Variants in AKAP13 observed in about 807,000 individuals in gnomAD.
The protein encoded by AKAP13 is A-kinase anchor protein 13.
A neutral mutation model predicts 264.5 loss-of-function variants in AKAP13; 80 were observed. That is an observed-to-expected ratio of 0.30 (90% CI 0.25 to 0.36). AKAP13 has a LOEUF of 0.36. Among genes scored for constraint, AKAP13 ranks in the 10% least tolerant of loss-of-function variants. AKAP13 has a pLI of 1.00. For synonymous variants in AKAP13, 1,380 were observed against 1,250.2 expected (o/e 1.10, Z -2.19); for missense variants, 3,712 against 3,435.2 (o/e 1.08, Z -2.01).
intron 14 of AKAP13, among the ~76,000 whole-genome samples, chr15:85,676,500 T>C (rs2084236507): frequency 6.6e-6 from 1 of 152,186 alleles, no homozygotes; most frequent in African/African-American, 2.4e-5. Flanking sequence ...CTGTGGAACA[T>C]CCACCCACAG....
chr15:85,426,729 A>G (rs1036854520), intron 1 of AKAP13, among the ~76,000 whole-genome samples: 4 of 152,170 alleles, frequency 2.6e-5, no homozygotes, highest in Non-Finnish European at 4.4e-5. Context: ...AAGTACAGAG[A>G]GATTCTAGCC....
intron 1 of AKAP13, among the ~76,000 whole-genome samples, chr15:85,418,031 T>G (rs1171602056): frequency 1.3e-5 from 2 of 150,054 alleles, no homozygotes; most frequent in Non-Finnish European, 3.0e-5. Context: ...ACATTCTTTT[T>G]GTACCATCTT....
At chr15:85,673,685 T>C (rs2084049181) in intron 14 of AKAP13, among the ~76,000 whole-genome samples, 1 of 129,252 alleles carries the variant, frequency 7.7e-6, no homozygotes, top group Non-Finnish European at 1.6e-5. Context: ...TTTTTTTTTT[T>C]TTTTTTTGGG....
intron 1 of AKAP13, among the ~76,000 whole-genome samples, chr15:85,432,706 T>C (rs902284088): frequency 6.6e-6 from 1 of 152,134 alleles, no homozygotes; most frequent in Non-Finnish European, 1.5e-5. Context: ...GTGAAAAAAA[T>C]GGTCCATGAT....
At chr15:85,476,524 G>T (rs2075169300) in intron 1 of AKAP13, among the ~76,000 whole-genome samples, 3 of 152,086 alleles carry the variant, frequency 2.0e-5, no homozygotes, top group African/African-American at 7.2e-5. Flanking sequence ...TTTTCTTATT[G>T]CCTACCACTG....
chr15:85,412,027 A>G lies in AKAP13; in HGVS notation c.-12+31229A>G, dbSNP rs1250743979. On this transcript the variant is annotated intron_variant, in intron 1 of 36. Transcript: ENST00000394518. ...TAACAAATGTGATTTTTGATATTGT[A>G]TAATGAAATGTATCTACATTTGGAA... is the stretch of plus-strand genomic sequence containing the variant. Among the ~76,000 whole-genome samples, 5 of 152,238 alleles carry G rather than the reference A, an allele frequency of 3.3e-5. No individual in the cohort carries two copies. The East Asian group carries it at 7.7e-4, about 23-fold the overall frequency.
chr15:85,629,764 C>CTTTTTTTTTTTTT lies in AKAP13; in HGVS notation c.4162-9589_4162-9577dup, dbSNP rs773396099. 4.4e-4 allele frequency among the ~76,000 whole-genome samples: 22 copies of CTTTTTTTTTTTTT among 50,536 alleles called. 4 individuals are homozygous for CTTTTTTTTTTTTT. Among genetic ancestry groups the CTTTTTTTTTTTTT allele is most frequent in the Non-Finnish European group, 6.7e-4 (18 of 26,960 alleles). The allele number at this position is 50,536 out of a possible 152,430, so 33.2% of individuals were successfully genotyped here. On this transcript the variant is annotated intron_variant, in intron 8 of 36. Coordinates refer to ENST00000394518, the MANE Select transcript of AKAP13 (RefSeq NM_007200.5). ...GAAATATAATGAGTTCCTTTACAGC[C>CTTTTTTTTTTTTT]TTTTTTTTTTTTTTTTTTTTTTTTT... is the stretch of plus-strand genomic sequence containing the variant.
rs370540321 is a variant in AKAP13, at chr15:85,741,264, G to A, written c.7827G>A (p.Glu2609=). 6.2e-7 allele frequency: 1 copy of A among 1,610,170 alleles called. No homozygotes were observed. Among genetic ancestry groups the A allele is most frequent in the South Asian group, 1.1e-5 (1 of 90,608 alleles). The change falls in exon 35 of 37, where the codon GAG becomes GAA. Residue 2609 remains glutamate (E), a synonymous_variant. Transcript: ENST00000394518. ...RRREREWEAR[E]RELREREALL... is the part of the protein sequence containing the mutation. ...GCGAGCGTGAGTGGGAAGCTCGTGA[G>A]AGGGAGCTGCGGGAGCGGGAGGCCC...
chr15:85,400,768 TC>T (rs934197075), intron 1 of AKAP13, among the ~76,000 whole-genome samples: 2 of 151,828 alleles, frequency 1.3e-5, no homozygotes, highest in Admixed American at 6.6e-5. Flanking sequence ...TGTTGACCAT[TC>T]TTAGGAGTAT....
At position 85,580,712 on chromosome 15, in the gene AKAP13, G is replaced by T; in HGVS notation, c.2644G>T (p.Glu882Ter). Residue 882 changes from glutamate (E) to a stop codon, truncating the protein, a stop_gained, in exon 7 of 37, where the codon GAA (glutamate) becomes TAA (stop). Transcript: ENST00000394518. LOFTEE classifies it high-confidence loss of function. ...GGGTCCCGCCCCTCCAGCAATCCCA[G>T]AAGCTCTGAATATCAAGGGGAACAC... Reference protein sequence around the residue: ...HEGPAPPAIPEALNIKGNTDS... With the variant: ...HEGPAPPAIP The T allele has an allele frequency of 6.2e-7, 1 of 1,614,194 alleles. No individual in the cohort carries two copies. Among genetic ancestry groups the T allele is most frequent in the Non-Finnish European group, 8.5e-7 (1 of 1,180,024 alleles).
intron 35 of AKAP13, among the ~76,000 whole-genome samples, chr15:85,742,410 C>T (rs1255486005): frequency 6.6e-6 from 1 of 152,198 alleles, no homozygotes; most frequent in East Asian, 1.9e-4. Context: ...GGAAATGGCT[C>T]TCAGGCCAGA....
chr15:85,585,152 G>A (rs2079287776), intron 7 of AKAP13, among the ~76,000 whole-genome samples: 1 of 152,102 alleles, frequency 6.6e-6, no homozygotes, highest in South Asian at 2.1e-4. Context: ...AAGAAATAAG[G>A]GTTAAAAATA....
chr15:85,725,878 G>A (rs781141176), intron 26 of AKAP13, among the ~76,000 whole-genome samples: 1 of 152,300 alleles, frequency 6.6e-6, no homozygotes, highest in East Asian at 1.9e-4. Flanking sequence ...GCCTGCCTGT[G>A]TGGCCACTCT....
intron 1 of AKAP13, among the ~76,000 whole-genome samples, chr15:85,447,561 T>C (rs2073945427): frequency 6.6e-6 from 1 of 152,000 alleles, no homozygotes; most frequent in South Asian, 2.1e-4. Flanking sequence ...TGTTGTTTCC[T>C]TCTTTGTGTT....
intron 8 of AKAP13, among the ~76,000 whole-genome samples, chr15:85,611,504 G>T (rs1445751384): frequency 1.3e-5 from 2 of 151,988 alleles, no homozygotes; most frequent in Non-Finnish European, 2.9e-5. Context: ...AATATTTTTG[G>T]ACTCTCGGTT....
chr15:85,631,999 C>T (rs2081854139), intron 8 of AKAP13, among the ~76,000 whole-genome samples: 1 of 152,064 alleles, frequency 6.6e-6, no homozygotes, highest in Non-Finnish European at 1.5e-5. Flanking sequence ...GATTGCACCA[C>T]AGAAGTGTAA....
intron 8 of AKAP13, among the ~76,000 whole-genome samples, chr15:85,635,973 T>C (rs2082055253): frequency 6.6e-6 from 1 of 152,178 alleles, no homozygotes; most frequent in Non-Finnish European, 1.5e-5. Context: ...AGTGCAGCTT[T>C]TATAGTATGT....
chr15:85,473,373 G>C (rs967034918), intron 1 of AKAP13, among the ~76,000 whole-genome samples: 1 of 152,150 alleles, frequency 6.6e-6, no homozygotes, highest in African/African-American at 2.4e-5. Context: ...GTATTTGAAA[G>C]GGAAATAATT....
intron 5 of AKAP13, among the ~76,000 whole-genome samples, chr15:85,571,159 C>T (rs1468154406): frequency 2.6e-5 from 4 of 152,060 alleles, no homozygotes; most frequent in Non-Finnish European, 4.4e-5. Context: ...GCAATGAGGC[C>T]TGGCTGAATG....
Sources: gnomAD v4.1 joint callset for allele counts (sites outside exome capture counted in the v4.1 genomes callset) on GRCh38, gnomAD v4.1.1 for gene constraint, MANE v1.5 for transcripts, NCBI Gene and HGNC (gene_info 2026-07-23, HGNC 2026-07-21) for gene names.